IPCEF1: variants seen among roughly 807,000 people sequenced by gnomAD.
IPCEF1 encodes interaction protein for cytohesin exchange factors 1.
In IPCEF1, 31 loss-of-function variants were observed where a neutral mutation model predicts 50.9. The ratio of observed to expected loss-of-function variants is 0.61; its 90% CI spans 0.46 to 0.82. The LOEUF (loss-of-function observed/expected upper bound fraction) is 0.82, where lower values mean the gene tolerates loss of function less well. Ranked by LOEUF, IPCEF1 falls within the 40% of genes least tolerant of loss-of-function variation. The pLI is 0.00. For missense variants in IPCEF1, 458 were observed against 514.0 expected (o/e 0.89, Z 1.05); for synonymous variants, 181 against 192.0 (o/e 0.94, Z 0.47).
At chr6:154,318,107 A>G (rs898432886) in intron 1 of IPCEF1, among the ~76,000 whole-genome samples, 1 of 152,208 alleles carries the variant, frequency 6.6e-6, no homozygotes, top group Non-Finnish European at 1.5e-5. Context: ...AAGCCACATG[A>G]CAACTTTGCT....
chr6:154,303,307 T>G (rs11963135), intron 1 of IPCEF1, among the ~76,000 whole-genome samples: 18,637 of 151,766 alleles, frequency 0.12, 2,302 homozygotes, highest in African/African-American at 0.32. Context: ...GGCCAGGCTG[T>G]TCTCAAACTC....
chr6:154,285,235 A>G (rs1473583151), intron 2 of IPCEF1, among the ~76,000 whole-genome samples: 1 of 152,196 alleles, frequency 6.6e-6, no homozygotes, highest in East Asian at 1.9e-4. Flanking sequence ...TGGTATCTCT[A>G]CTGAGGATAA....
intron 1 of IPCEF1, among the ~76,000 whole-genome samples, chr6:154,295,129 C>T (rs957202741): frequency 2.0e-5 from 3 of 151,726 alleles, no homozygotes; most frequent in African/African-American, 7.3e-5. Context: ...AACCAGGAGG[C>T]GGGGATTGCA....
At chr6:154,296,511 C>T (rs931124144) in intron 1 of IPCEF1, among the ~76,000 whole-genome samples, 24 of 152,248 alleles carry the variant, frequency 1.6e-4, no homozygotes, top group African/African-American at 4.8e-4. Flanking sequence ...TTGACCAAAA[C>T]GTATGTACCA....
chr6:154,333,954 C>A (rs1309322351), intron 1 of IPCEF1, among the ~76,000 whole-genome samples: 1 of 152,018 alleles, frequency 6.6e-6, no homozygotes, highest in Non-Finnish European at 1.5e-5. Context: ...TAAAGTATAT[C>A]CACCATCTTC....
intron 1 of IPCEF1, among the ~76,000 whole-genome samples, chr6:154,294,244 C>G (rs1029271632): frequency 6.6e-6 from 1 of 152,088 alleles, no homozygotes; most frequent in Non-Finnish European, 1.5e-5. Context: ...GTAATCTAAC[C>G]CTTTAAAATA....
chr6:154,226,464 T>C (rs967281107), intron 5 of IPCEF1, among the ~76,000 whole-genome samples: 2 of 152,104 alleles, frequency 1.3e-5, no homozygotes, highest in Non-Finnish European at 2.9e-5. Context: ...AAACAGGACA[T>C]GTGAGAGACA....
chr6:154,188,571 A>G (rs1450233951), intron 10 of IPCEF1, among the ~76,000 whole-genome samples: 2 of 152,248 alleles, frequency 1.3e-5, no homozygotes, highest in Admixed American at 1.3e-4. Flanking sequence ...AATGGCCAAG[A>G]GTATCCTAAA....
At chr6:154,283,951 A>C (rs1050487897) in intron 2 of IPCEF1, among the ~76,000 whole-genome samples, 2 of 152,340 alleles carry the variant, frequency 1.3e-5, no homozygotes, top group South Asian at 4.1e-4. Context: ...GAAAAACATG[A>C]GATAGAAGAA....
At chr6:154,333,380 C>G (rs1180339474) in intron 1 of IPCEF1, among the ~76,000 whole-genome samples, 1 of 151,784 alleles carries the variant, frequency 6.6e-6, no homozygotes, top group African/African-American at 2.4e-5. Context: ...ACTGGCTTAG[C>G]CTCCCAGCCT....
intron 1 of IPCEF1, among the ~76,000 whole-genome samples, chr6:154,307,981 A>G (rs1782979314): frequency 6.6e-6 from 1 of 152,198 alleles, no homozygotes; most frequent in Non-Finnish European, 1.5e-5. Flanking sequence ...GAAAAGAAGA[A>G]AGGTAAGGGG....
At chr6:154,188,274 A>G (rs971268685) in intron 10 of IPCEF1, among the ~76,000 whole-genome samples, 3 of 152,254 alleles carry the variant, frequency 2.0e-5, no homozygotes, top group African/African-American at 7.2e-5. Flanking sequence ...TATGAAATAT[A>G]TAGAACTAAA....
intron 1 of IPCEF1, among the ~76,000 whole-genome samples, chr6:154,294,593 G>A (rs1171579645): frequency 1.3e-5 from 2 of 152,180 alleles, no homozygotes; most frequent in African/African-American, 2.4e-5. Context: ...TTGCAGAGCG[G>A]AGGATTCTGG....
chr6:154,345,458 C>A (rs1306456458), intron 1 of IPCEF1, among the ~76,000 whole-genome samples: 1 of 152,130 alleles, frequency 6.6e-6, no homozygotes, highest in Non-Finnish European at 1.5e-5. Context: ...CTACTAGTCT[C>A]CAGGACCACG....
chr6:154,356,459 A>C (rs1784219447), intron 1 of IPCEF1, among the ~76,000 whole-genome samples: 1 of 152,228 alleles, frequency 6.6e-6, no homozygotes, highest in South Asian at 2.1e-4. Context: ...GAGTGAGTAC[A>C]CAACTCTCTC....
At chr6:154,353,981 A>G (rs532441790) in intron 1 of IPCEF1, among the ~76,000 whole-genome samples, 1 of 152,340 alleles carries the variant, frequency 6.6e-6, no homozygotes, top group Non-Finnish European at 1.5e-5. Context: ...AAATTCAGAA[A>G]ATGCACAAAG....
intron 10 of IPCEF1, among the ~76,000 whole-genome samples, chr6:154,185,554 T>C (rs559531235): frequency 2.0e-4 from 30 of 152,344 alleles, no homozygotes; most frequent in Middle Eastern, 3.4e-3. Context: ...GGTCATAAAA[T>C]TGCTATAGAT....
chr6:154,312,014 A>G (rs1783090411), intron 1 of IPCEF1, among the ~76,000 whole-genome samples: 1 of 151,876 alleles, frequency 6.6e-6, no homozygotes, highest in Non-Finnish European at 1.5e-5. Context: ...CTATACCCCC[A>G]CATTCATAGC....
intron 1 of IPCEF1, among the ~76,000 whole-genome samples, chr6:154,316,519 C>T (rs1783222582): frequency 6.6e-6 from 1 of 152,120 alleles, no homozygotes; most frequent in African/African-American, 2.4e-5. Flanking sequence ...AAGCCAGACA[C>T]AGAAAAACCA....
Sources: gnomAD v4.1 joint callset for allele counts (sites outside exome capture counted in the v4.1 genomes callset) on GRCh38, gnomAD v4.1.1 for gene constraint, MANE v1.5 for transcripts, NCBI Gene and HGNC (gene_info 2026-07-23, HGNC 2026-07-21) for gene names.